Variants in MTCH1 observed in about 807,000 individuals in gnomAD.
MTCH1 encodes mitochondrial carrier homolog 1.
Under a neutral mutation model 49.3 loss-of-function variants are expected in MTCH1, and 23 were observed. That is an observed-to-expected ratio of 0.47 (90% CI 0.34 to 0.66). The LOEUF (loss-of-function observed/expected upper bound fraction) is 0.66. Ranked by LOEUF, MTCH1 falls within the 30% of genes least tolerant of loss-of-function variation. The pLI is 0.01. For synonymous variants in MTCH1, 229 were observed against 215.2 expected (o/e 1.06, Z -0.56); for missense variants, 397 against 532.1 (o/e 0.75, Z 2.50).
intron 2 of MTCH1, among the ~76,000 whole-genome samples, chr6:36,980,816 T>C (rs1197754589): frequency 6.6e-6 from 1 of 152,172 alleles, no homozygotes; most frequent in Non-Finnish European, 1.5e-5. Context: ...ATCATGGTCA[T>C]CTGGTGAGGG....
At position 36,986,148 on chromosome 6, in the gene MTCH1, G is replaced by C. The variant is rs1332158484; in HGVS notation, c.26C>G (p.Ala9Gly). 1.4e-6 allele frequency: 2 copies of C among 1,435,794 alleles called. No homozygotes were observed. Among genetic ancestry groups the C allele is most frequent in the African/African-American group, 1.5e-5 (1 of 66,372 alleles). The allele number at this position is 1,435,794 out of a possible 1,614,324, so 88.9% of individuals were successfully genotyped here. MGASDPEV[A>G]PWARGGAAGM... is the part of the protein sequence containing the mutation. ...CGCGGCACCGCCGCGAGCCCAGGGC[G>C]CCACTTCCGGGTCCGAAGCTCCCAT... Residue 9 changes from alanine (A) to glycine (G), a missense_variant, in exon 1 of 12, where the codon GCG becomes GGG. Ala to Gly is a moderately conservative substitution (Grantham distance 60). This residue lies in a region of MTCH1 where 145 missense variants were observed against 143.8 expected (regional missense o/e 1.01). Coordinates refer to ENST00000373627, the MANE Select transcript of MTCH1 (RefSeq NM_001271641.2).
At position 36,968,759 on chromosome 6, in the gene MTCH1, A is replaced by C; in HGVS notation, c.*144T>G. ...CGCTCAACCCCACATCTGGACAGAC[A>C]CATGGCAAATATGGAACTGAAGCCC... On this transcript the variant is annotated 3_prime_UTR_variant, in exon 12 of 12. Transcript: ENST00000373627. 7.7e-7 allele frequency: 1 copy of C among 1,297,062 alleles called. No homozygotes were observed. Among genetic ancestry groups the C allele is most frequent in the Non-Finnish European group, 1.1e-6 (1 of 918,126 alleles). The allele number at this position is 1,297,062 out of a possible 1,614,324, so 80.3% of individuals were successfully genotyped here.
Position 36,985,917 on chromosome 6 carries a change from AC to A in MTCH1, c.256del (p.Val86TrpfsTer7). 6.4e-7 allele frequency: 1 copy of A among 1,556,012 alleles called. No homozygotes were observed. Reference sequence around the variant, plus strand: ...CGCCGTCACGCCCGCGCCCAGTGCCACGAAAAGAGCCTCAGTGGTCGGGGCG... The same window carrying A: ...CGCCGTCACGCCCGCGCCCAGTGCCAGAAAAGAGCCTCAGTGGTCGGGGCG... ...DNAPTTEALF[V>X]ALGAGVTALS... On this transcript the variant is annotated frameshift_variant, in exon 1 of 12. Transcript: ENST00000373627. LOFTEE classifies it high-confidence loss of function.
chr6:36,984,144 C>G (rs914144184), intron 1 of MTCH1, among the ~76,000 whole-genome samples: 1 of 152,140 alleles, frequency 6.6e-6, no homozygotes, highest in African/African-American at 2.4e-5. Flanking sequence ...CCCACCTGTG[C>G]CCTAAAATCC....
chr6:36,969,742 C>T, intron 11 of MTCH1: 1 of 1,280,792 alleles, frequency 7.8e-7, no homozygotes. Flanking sequence ...GCTTTACCAC[C>T]TGCCACCTGG....
At position 36,970,960 on chromosome 6, in the gene MTCH1, G is replaced by A. The variant is rs972101089; in HGVS notation, c.907-266C>T. ...CAACCCACCGGACTGTGAGCCTCAAGGGCTGAGCCCGTGTCTGCCTGATCA... is the reference window on the plus strand; with the variant it reads ...CAACCCACCGGACTGTGAGCCTCAAAGGCTGAGCCCGTGTCTGCCTGATCA... On this transcript the variant is annotated intron_variant, in intron 8 of 11. Transcript: ENST00000373627. 1.5e-5 allele frequency: 8 copies of A among 534,510 alleles called. No individual in the cohort carries two copies. The African/African-American group carries it at 1.5e-4, about 10-fold the overall frequency. 33.1% of individuals were successfully genotyped at this position (534,510 alleles called of 1,614,324 possible). A position where few individuals can be genotyped will look rare whatever the true frequency, so the allele number is the denominator to read the frequency against.
At chr6:36,978,680 ACC>A in intron 2 of MTCH1, 69 bp from the exon 3 acceptor site, 2 of 1,382,468 alleles carry the variant, frequency 1.4e-6, no homozygotes, top group African/African-American at 1.4e-5. Flanking sequence ...GGTCACACAC[ACC>A]CAGACCAGGC....
chr6:36,978,700 G>A, intron 2 of MTCH1, 89 bp from the exon 3 acceptor site: 2 of 1,146,126 alleles, frequency 1.7e-6, no homozygotes, highest in Non-Finnish European at 2.6e-6. Flanking sequence ...GGCTCGGCTT[G>A]TCCTTCAGGT....
At chr6:36,980,518 T>C (rs1386664635) in intron 2 of MTCH1, among the ~76,000 whole-genome samples, 2 of 152,156 alleles carry the variant, frequency 1.3e-5, no homozygotes, top group East Asian at 1.9e-4. Context: ...CACAAACACA[T>C]TTCCTCACAA....
chr6:36,970,394 G>A lies in MTCH1; in HGVS notation c.1022+12C>T, dbSNP rs748528042. On this transcript the variant is annotated intron_variant, in intron 10 of 11. Transcript: ENST00000373627. ...GGTAGGTAGAGTGGCAAGTAGAGGG[G>A]CGCACACCTACCCGCAGTTGTTCAC... The A allele has an allele frequency of 1.2e-6, 2 of 1,613,978 alleles. No homozygotes were observed. The highest frequency in any genetic ancestry group is 1.7e-6 in the Non-Finnish European group (2 of 1,179,946).
At position 36,977,611 on chromosome 6, in the gene MTCH1, T is replaced by G. The variant is rs1247762046; in HGVS notation, c.649+23A>C. On this transcript the variant is annotated intron_variant, in intron 5 of 11. Coordinates refer to ENST00000373627, the MANE Select transcript of MTCH1 (RefSeq NM_001271641.2). This position sits in a 1 kb window ranked among gnomAD's most constrained non-coding sequence, Gnocchi z 5.4. ...CCCCGACGCCAGCTTAGATACAGTC[T>G]CGGGGGAAGGGGGGTGGCTTACCAT... 3 of 1,557,160 alleles carry G rather than the reference T, an allele frequency of 1.9e-6. No homozygotes were observed. Among genetic ancestry groups the G allele is most frequent in the Non-Finnish European group, 2.6e-6 (3 of 1,134,538 alleles).
At chr6:36,969,216 G>C in intron 11 of MTCH1, 1 of 985,410 alleles carries the variant, frequency 1.0e-6, no homozygotes, top group Non-Finnish European at 1.2e-6. Context: ...TAGAGAGGAG[G>C]CTCATTGCCC....
intron 8 of MTCH1, chr6:36,971,046 C>T (rs542252520): frequency 5.7e-6 from 2 of 351,208 alleles, no homozygotes; most frequent in East Asian, 6.4e-5. Context: ...AACCCAAAGA[C>T]GAATCCTGGC....
At chr6:36,981,427 G>A (rs1764082915) in intron 2 of MTCH1, among the ~76,000 whole-genome samples, 161 bp downstream of exon 2, 1 of 152,276 alleles carries the variant, frequency 6.6e-6, no homozygotes, top group African/African-American at 2.4e-5. Flanking sequence ...CTCGCACCCC[G>A]ACACCATGTC....
At position 36,986,005 on chromosome 6, in the gene MTCH1, C is replaced by G. The variant is rs1330530409; in HGVS notation, c.169G>C (p.Ala57Pro). ...ATCCTGCGGGCCGAGGGCTGAGCCG[C>G]AGGCCGAGGGTGGCGAGGATGTGCG... ...HRAHPRHPRPAAQPSARRMDG... is the reference protein window; with the variant it reads ...HRAHPRHPRPPAQPSARRMDG... Residue 57 changes from alanine to proline, a missense_variant, in exon 1 of 12, where the codon GCG becomes CCG. By Grantham distance (27) the Ala-to-Pro change is conservative. Coordinates refer to ENST00000373627, the MANE Select transcript of MTCH1 (RefSeq NM_001271641.2). 2 of 1,534,876 alleles carry G rather than the reference C, an allele frequency of 1.3e-6. No individual in the cohort carries two copies. Among genetic ancestry groups the G allele is most frequent in the Admixed American group, 4.0e-5 (2 of 49,856 alleles).
Position 36,977,599 on chromosome 6 carries a change from TTAGA to T in MTCH1, c.649+31_649+34del, listed in dbSNP as rs1763930564. ...CTCACCCCACGCCCCCGACGCCAGC[TTAGA>T]TACAGTCTCGGGGGAAGGGGGGTGG... On this transcript the variant is annotated intron_variant, in intron 5 of 11. Transcript: ENST00000373627. This position sits in a 1 kb window ranked among gnomAD's most constrained non-coding sequence, Gnocchi z 5.4. 1 of 1,514,804 alleles carries T rather than the reference TTAGA, an allele frequency of 6.6e-7. No homozygotes were observed. The highest frequency in any genetic ancestry group is 9.1e-7 in the Non-Finnish European group (1 of 1,099,174). 93.8% of individuals were successfully genotyped at this position (1,514,804 alleles called of 1,614,324 possible).
intron 6 of MTCH1, chr6:36,976,585 G>A (rs1157226285): frequency 1.7e-5 from 8 of 470,992 alleles, no homozygotes; most frequent in Non-Finnish European, 3.5e-5. Flanking sequence ...TGGGATGGTG[G>A]CCCCGCAGGA....
At position 36,986,001 on chromosome 6, in the gene MTCH1, G is replaced by A. The variant is rs1386270822; in HGVS notation, c.173C>T (p.Ala58Val). ...RAHPRHPRPAAQPSARRMDGG... is the reference protein window; with the variant it reads ...RAHPRHPRPAVQPSARRMDGG... ...ATCCATCCTGCGGGCCGAGGGCTGAGCCGCAGGCCGAGGGTGGCGAGGATG... is the reference window on the plus strand; with the variant it reads ...ATCCATCCTGCGGGCCGAGGGCTGAACCGCAGGCCGAGGGTGGCGAGGATG... The change falls in exon 1 of 12, where the codon GCT (alanine) becomes GTT (valine). Residue 58 changes from alanine (A) to valine (V), a missense_variant. By Grantham distance (64) the Ala-to-Val change is moderately conservative. This residue lies in a region of MTCH1 where 145 missense variants were observed against 143.8 expected (regional missense o/e 1.01). Coordinates refer to ENST00000373627, the MANE Select transcript of MTCH1 (RefSeq NM_001271641.2). 1 of 1,536,616 alleles carries A rather than the reference G, an allele frequency of 6.5e-7. No individual in the cohort carries two copies. The highest frequency in any genetic ancestry group is 8.8e-7 in the Non-Finnish European group (1 of 1,142,624).
chr6:36,985,813 A>G, intron 1 of MTCH1, 40 bp downstream of exon 1: 3 of 1,537,730 alleles, frequency 2.0e-6, no homozygotes, highest in Non-Finnish European at 1.8e-6. Context: ...TCACCTTCAC[A>G]TCAGCCTCCC....
Sources: gnomAD v4.1 joint callset for allele counts (sites outside exome capture counted in the v4.1 genomes callset) on GRCh38, gnomAD v4.1.1 for gene constraint, gnomAD v4.1.1 regional missense constraint, Gnocchi (gnomAD v3.1) non-coding constraint, MANE v1.5 for transcripts, NCBI Gene and HGNC (gene_info 2026-07-23, HGNC 2026-07-21) for gene names.